The following MRPL48 variants were observed in gnomAD, a reference collection of about 807,000 sequenced individuals.
MRPL48 encodes large ribosomal subunit protein mL48.
A neutral mutation model predicts 32.9 loss-of-function variants in MRPL48; 16 were observed. The ratio of observed to expected loss-of-function variants is 0.49; its 90% CI spans 0.33 to 0.74. MRPL48 has a LOEUF of 0.74. Among genes scored for constraint, MRPL48 ranks in the 30% least tolerant of loss-of-function variants. MRPL48 has a pLI of 0.02. For synonymous variants in MRPL48, 94 were observed against 89.2 expected, an observed-to-expected ratio of 1.05 and a Z score of -0.31; for missense variants, 206 against 245.3, an observed-to-expected ratio of 0.84 and a Z score of 1.07.
intron 3 of MRPL48, among the ~76,000 whole-genome samples, chr11:73,813,608 G>A (rs1947607563): frequency 6.6e-6 from 1 of 152,012 alleles, no homozygotes; most frequent in Admixed American, 6.6e-5. Flanking sequence ...ACTTTTTCTA[G>A]TCATTTATCC....
intron 7 of MRPL48, 39 bp downstream of exon 7, chr11:73,863,300 A>G (rs774243467): frequency 4.7e-6 from 7 of 1,479,732 alleles, no homozygotes; most frequent in Non-Finnish European, 6.5e-6. Flanking sequence ...GCTGGCCTGC[A>G]TATGCTCAAA....
intron 1 of MRPL48, among the ~76,000 whole-genome samples, chr11:73,790,112 C>G (rs1253235381): frequency 1.9e-4 from 28 of 146,794 alleles, no homozygotes; most frequent in Admixed American, 1.2e-3. Context: ...CTCTGTCGCC[C>G]AGGCTGGAGT....
rs4019304 is a variant in MRPL48, at chr11:73,831,940, CAAAA to C, written c.201+6164_201+6167del. 3.7e-3 allele frequency among the ~76,000 whole-genome samples: 245 copies of C among 67,088 alleles called. 1 individual carries two copies. The highest frequency in any genetic ancestry group is 0.015 in the African/African-American group (237 of 15,784). 44.0% of individuals were successfully genotyped at this position (67,088 alleles called of 152,430 possible). On this transcript the variant is annotated intron_variant, in intron 4 of 7. Coordinates refer to ENST00000310614, the MANE Select transcript of MRPL48 (RefSeq NM_016055.6). ...GGGCAACAAGAGTGAAACTCTGTCT[CAAAA>C]AAAAAAAAAAAAAAAAAAAGTAAAA...
intron 4 of MRPL48, among the ~76,000 whole-genome samples, chr11:73,831,904 C>T (rs1458117374): frequency 1.5e-5 from 2 of 133,288 alleles, no homozygotes; most frequent in East Asian, 4.6e-4. Context: ...CATGCCATTG[C>T]ACTCCAGCCT....
chr11:73,840,642 G>A (rs1336097593), intron 4 of MRPL48, among the ~76,000 whole-genome samples: 1 of 152,132 alleles, frequency 6.6e-6, no homozygotes, highest in African/African-American at 2.4e-5. Flanking sequence ...TGGGACTACA[G>A]GCACCCGCCA....
intron 2 of MRPL48, among the ~76,000 whole-genome samples, chr11:73,806,782 G>A (rs959873436): frequency 3.3e-5 from 5 of 151,610 alleles, no homozygotes; most frequent in African/African-American, 1.2e-4. Flanking sequence ...TTAATATGAT[G>A]GAGCTAATTT....
intron 5 of MRPL48, among the ~76,000 whole-genome samples, chr11:73,851,458 T>C (rs1182136806): frequency 1.3e-5 from 2 of 152,218 alleles, no homozygotes; most frequent in Non-Finnish European, 2.9e-5. Context: ...TTTAGGAGAT[T>C]TGATAATAAG....
At chr11:73,795,599 C>T (rs950075189) in intron 1 of MRPL48, among the ~76,000 whole-genome samples, 10 of 151,816 alleles carry the variant, frequency 6.6e-5, no homozygotes, top group East Asian at 3.9e-4. Context: ...CCCCGCCTCC[C>T]GGGTTCACAC....
At chr11:73,816,058 A>T (rs929474842) in intron 3 of MRPL48, among the ~76,000 whole-genome samples, 1 of 148,390 alleles carries the variant, frequency 6.7e-6, no homozygotes, top group Admixed American at 6.7e-5. Flanking sequence ...ATTTTATTTT[A>T]TATTTATTTA....
At chr11:73,854,015 C>T (rs1392773402) in intron 5 of MRPL48, among the ~76,000 whole-genome samples, 1 of 152,022 alleles carries the variant, frequency 6.6e-6, no homozygotes, top group Non-Finnish European at 1.5e-5. Flanking sequence ...AGGTTGATGG[C>T]AAAGAACATT....
At chr11:73,817,285 T>C (rs907923693) in intron 3 of MRPL48, among the ~76,000 whole-genome samples, 1 of 152,198 alleles carries the variant, frequency 6.6e-6, no homozygotes, top group African/African-American at 2.4e-5. Context: ...GTTACCAAGA[T>C]TTTGCAATGG....
intron 4 of MRPL48, chr11:73,843,368 G>T (rs563467399): frequency 6.6e-6 from 1 of 152,138 alleles, no homozygotes; most frequent in South Asian, 2.1e-4. Context: ...GGGATTACAG[G>T]TATGTGCCAC....
At chr11:73,798,720 G>A (rs1176497618) in intron 1 of MRPL48, among the ~76,000 whole-genome samples, 1 of 152,020 alleles carries the variant, frequency 6.6e-6, no homozygotes, top group Non-Finnish European at 1.5e-5. Flanking sequence ...GGCTGGATGT[G>A]GTGGCTCACA....
At chr11:73,840,275 T>C (rs1362073212) in intron 4 of MRPL48, among the ~76,000 whole-genome samples, 1 of 152,154 alleles carries the variant, frequency 6.6e-6, no homozygotes, top group Non-Finnish European at 1.5e-5. Context: ...GGCGGATCAC[T>C]TGAACCCAGG....
Position 73,791,670 on chromosome 11 carries a change from C to T in MRPL48, c.21+3678C>T, listed in dbSNP as rs1005680618. Reference sequence around the variant, plus strand: ...CTGGACTCAAGTGATCTGCCCGCCTCGGCCTCCCAAAGTGCTAGGATAACA... The same window carrying T: ...CTGGACTCAAGTGATCTGCCCGCCTTGGCCTCCCAAAGTGCTAGGATAACA... On this transcript the variant is annotated intron_variant, in intron 1 of 7. Transcript: ENST00000310614. 3.3e-5 allele frequency among the ~76,000 whole-genome samples: 5 copies of T among 152,142 alleles called. No individual in the cohort carries two copies. The East Asian group carries it at 7.7e-4, about 24-fold the overall frequency.
chr11:73,822,717 C>T (rs1272662143), intron 3 of MRPL48, among the ~76,000 whole-genome samples: 3 of 152,100 alleles, frequency 2.0e-5, no homozygotes, highest in Non-Finnish European at 2.9e-5. Context: ...ATCCCCAAAC[C>T]CCAGGCCATG....
At chr11:73,864,052 A>C (rs1180007745) in intron 7 of MRPL48, among the ~76,000 whole-genome samples, 4 of 152,070 alleles carry the variant, frequency 2.6e-5, no homozygotes, top group African/African-American at 9.7e-5. Context: ...TTTGACATTA[A>C]ATCTTCATAT....
At chr11:73,816,655 G>A (rs1280183718) in intron 3 of MRPL48, among the ~76,000 whole-genome samples, 1 of 151,106 alleles carries the variant, frequency 6.6e-6, no homozygotes, top group African/African-American at 2.4e-5. Context: ...GTAGAGACGG[G>A]GTTTCTCCAT....
At chr11:73,863,655 T>C (rs911983377) in intron 7 of MRPL48, among the ~76,000 whole-genome samples, 3 of 152,254 alleles carry the variant, frequency 2.0e-5, no homozygotes, top group Non-Finnish European at 2.9e-5. Flanking sequence ...GGCTTGACTG[T>C]AGCTTGACTG....
Sources: gnomAD v4.1 joint callset for allele counts (sites outside exome capture counted in the v4.1 genomes callset) on GRCh38, gnomAD v4.1.1 for gene constraint, MANE v1.5 for transcripts, NCBI Gene and HGNC (gene_info 2026-07-23, HGNC 2026-07-21) for gene names.